MGAM: variants seen among roughly 807,000 people sequenced by gnomAD.
MGAM encodes maltase-glucoamylase, also known as alpha-1,4-glucosidase.
Under a neutral mutation model 358.8 loss-of-function variants are expected in MGAM, and 253 were observed. That is an observed-to-expected ratio of 0.71 (90% confidence interval 0.64 to 0.78). The LOEUF is 0.78. MGAM is among the 30% of genes least tolerant of loss of function. The probability of loss-of-function intolerance (pLI) is 0.00; values close to 1 mark genes in which losing one functional copy is unlikely to be tolerated. For synonymous variants in MGAM, 1,105 were observed against 1,227.1 expected, an observed-to-expected ratio of 0.90 and a Z score of 2.08; for missense variants, 3,080 against 3,432.6, an observed-to-expected ratio of 0.90 and a Z score of 2.57.
At chr7:142,042,137 TATATAAC>T (rs1808861540) in intron 21 of MGAM, among the ~76,000 whole-genome samples, 1 of 60,642 alleles carries the variant, frequency 1.6e-5, no homozygotes, top group African/African-American at 7.2e-5. Flanking sequence ...ATACATATAA[TATATAAC>T]ATATAATATA....
Position 142,099,635 on chromosome 7 carries a change from G to A in MGAM, c.7772G>A (p.Gly2591Glu), listed in dbSNP as rs1816272764. 2.5e-6 allele frequency: 4 copies of A among 1,613,940 alleles called. No homozygotes were observed. Among genetic ancestry groups the A allele is most frequent in the Non-Finnish European group, 3.4e-6 (4 of 1,179,860 alleles). ...YYTGVDINAR[G>E]EWKTLPAPLD... ...CAGGGTGTGGATATTAATGCAAGAGGAGAGTGGAAGACCTTGCCAGCCCCT... is the reference window on the plus strand; with the variant it reads ...CAGGGTGTGGATATTAATGCAAGAGAAGAGTGGAAGACCTTGCCAGCCCCT... Residue 2591 changes from glycine (G) to glutamate (E), a missense_variant, in exon 67 of 71, where the codon GGA becomes GAA. This residue lies in a region of MGAM where 932 missense variants were observed against 1,198.2 expected (regional missense o/e 0.78). Coordinates refer to ENST00000475668, the MANE Select transcript of MGAM (RefSeq NM_001365693.1).
In MGAM at chr7:142,099,731, A is replaced by T; in HGVS notation, c.7868A>T (p.His2623Leu). ...LPWQEPALNT[H>L]LSRQKFMGFK... The stretch of plus-strand genomic sequence containing the variant: ...TGGCAAGAGCCTGCACTGAACACCC[A>T]CTTAAGGTAAGTGACAGGACTCAGG... Residue 2623 changes from histidine to leucine, a missense_variant, in exon 67 of 71, where the codon CAC becomes CTC. Coordinates refer to ENST00000475668, the MANE Select transcript of MGAM (RefSeq NM_001365693.1). 3 of 1,613,958 alleles carry T rather than the reference A, an allele frequency of 1.9e-6. No homozygotes were observed. The highest frequency in any genetic ancestry group is 3.3e-5 in the Admixed American group (2 of 60,014).
intron 40 of MGAM, among the ~76,000 whole-genome samples, chr7:142,066,103 A>C (rs79160904): frequency 0.024 from 3,422 of 144,738 alleles, 216 homozygotes; most frequent in African/African-American, 0.079. Flanking sequence ...AGCTGGGATA[A>C]AGGCACATCC....
chr7:142,005,766 C>T (rs148961841), intron 2 of MGAM, 109 bp downstream of exon 2: 271 of 1,138,050 alleles, frequency 2.4e-4, no homozygotes, highest in African/African-American at 2.3e-3. Context: ...GTGTTTGTTG[C>T]GGGGGCTGTT....
chr7:142,097,507 A>G (rs1816033572), intron 65 of MGAM, 86 bp from the exon 66 acceptor site: 2 of 1,358,450 alleles, frequency 1.5e-6, no homozygotes, highest in South Asian at 1.2e-5. Flanking sequence ...GGCCATCACA[A>G]TTATTTAACC....
intron 5 of MGAM, 42 bp from the exon 6 acceptor site, chr7:142,021,544 A>G: frequency 1.3e-6 from 2 of 1,597,742 alleles, no homozygotes; most frequent in South Asian, 2.2e-5. Context: ...AGCTCTGACA[A>G]GTTTTTATTT....
rs782041510 is a variant in MGAM at position 142,027,178 on chromosome 7, A to G, written c.1046A>G (p.Tyr349Cys). 1.1e-5 allele frequency: 17 copies of G among 1,613,648 alleles called. No homozygotes were observed. The highest frequency in any genetic ancestry group is 1.4e-5 in the Non-Finnish European group (16 of 1,179,704). ...ACCATTGGGGGCATTCTCGACTTCTATGTGTTCTTGGGAAACACTCCAGAG... is the reference window on the plus strand; with the variant it reads ...ACCATTGGGGGCATTCTCGACTTCTGTGTGTTCTTGGGAAACACTCCAGAG... ...YRTIGGILDF[Y>C]VFLGNTPEQV... is the part of the protein sequence containing the mutation. Residue 349 changes from tyrosine to cysteine, a missense_variant, in exon 9 of 71, where the codon TAT becomes TGT. Physicochemically the swap from Tyr to Cys is radical, Grantham distance 194. Transcript: ENST00000475668.
chr7:142,042,115 T>C (rs963843097), intron 21 of MGAM, among the ~76,000 whole-genome samples: 995 of 72,356 alleles, frequency 0.014, 43 homozygotes, highest in East Asian at 0.027. Flanking sequence ...TAATATATAA[T>C]ATATAATATA....
intron 21 of MGAM, among the ~76,000 whole-genome samples, chr7:142,047,022 T>G (rs1426664266): frequency 5.9e-5 from 9 of 152,242 alleles, no homozygotes; most frequent in Admixed American, 2.6e-4. Context: ...AAAAACTAAC[T>G]TTCTTGCATA....
At chr7:142,065,498 C>A in intron 38 of MGAM, 30 bp downstream of exon 38, 1 of 1,613,704 alleles carries the variant, frequency 6.2e-7, no homozygotes, top group Non-Finnish European at 8.5e-7. Context: ...GGGCCTTTGC[C>A]GACAGGGCAG....
chr7:141,992,222 A>C (rs1459331089), upstream of MGAM, among the ~76,000 whole-genome samples: 1 of 152,306 alleles, frequency 6.6e-6, no homozygotes, highest in South Asian at 2.1e-4. Flanking sequence ...CTAGTTTATA[A>C]ATTTATTGAT....
At chr7:142,036,018 G>A in intron 16 of MGAM, 151 bp from the exon 17 acceptor site, 3 of 600,900 alleles carry the variant, frequency 5.0e-6, no homozygotes, top group Non-Finnish European at 9.0e-6. Context: ...GCATTCAAGA[G>A]TGGACACAGG....
Position 142,086,715 on chromosome 7 carries a change from G to A in MGAM, c.6808G>A (p.Glu2270Lys). The change falls in exon 57 of 71, where the codon GAG becomes AAG. Residue 2270 changes from glutamate (E) to lysine (K), a missense_variant and splice_region_variant. Glu to Lys is a moderately conservative substitution (Grantham distance 56). Transcript: ENST00000475668. ...GTCTCTAGACTGGGACAGTCAAGTG[G>A]AGGTAAAGGGTCTTTGTAAATTTGG... Reference protein sequence around the residue: ...NGSLDWDSQVELYRAYVAFPD... With the variant: ...NGSLDWDSQVKLYRAYVAFPD... 3 of 1,107,284 alleles carry A rather than the reference G, an allele frequency of 2.7e-6. 1 individual carries two copies. The East Asian group carries it at 8.5e-5, about 31-fold the overall frequency. 68.6% of individuals were successfully genotyped at this position (1,107,284 alleles called of 1,614,324 possible). A position where few individuals can be genotyped will look rare whatever the true frequency, so the allele number is the denominator to read the frequency against.
chr7:142,106,176 G>C lies in MGAM; in HGVS notation c.*285G>C, dbSNP rs1040004869. The C allele has an allele frequency of 4.2e-6, 1 of 239,434 alleles. No homozygotes were observed. The highest frequency in any genetic ancestry group is 2.3e-5 in the African/African-American group (1 of 44,328). The allele number at this position is 239,434 out of a possible 1,614,324, so 14.8% of individuals were successfully genotyped here. A position where few individuals can be genotyped will look rare whatever the true frequency, so the allele number is the denominator to read the frequency against. Reference sequence around the variant, plus strand: ...TATGACATTTACTGAAGATGAACTGGGTCCATGATGAAGTGTGTGTATGTC... The same window carrying C: ...TATGACATTTACTGAAGATGAACTGCGTCCATGATGAAGTGTGTGTATGTC... On this transcript the variant is annotated 3_prime_UTR_variant, in exon 71 of 71. Transcript: ENST00000475668.
chr7:142,060,022 G>T, intron 33 of MGAM, 56 bp downstream of exon 33: 1 of 1,511,648 alleles, frequency 6.6e-7, no homozygotes, highest in Non-Finnish European at 9.0e-7. Context: ...GTCACTGTTG[G>T]TGGGTCACTG....
At chr7:142,087,181 C>G (rs183529190) in intron 57 of MGAM, among the ~76,000 whole-genome samples, 2 of 144,358 alleles carry the variant, frequency 1.4e-5, no homozygotes, top group African/African-American at 4.9e-5. Context: ...TCCATGAACA[C>G]GTTTCTCCCT....
chr7:142,103,283 C>T lies in MGAM; in HGVS notation c.8028C>T (p.Ser2676=). Residue 2676 remains serine, a synonymous_variant, in exon 70 of 71, where the codon AGC becomes AGT. Coordinates refer to ENST00000475668, the MANE Select transcript of MGAM (RefSeq NM_001365693.1). Reference sequence around the variant, plus strand: ...CAATTCAACAGAATACGATGCAAAGCCATATAATTTTCAACAATTACATCA... The same window carrying T: ...CAATTCAACAGAATACGATGCAAAGTCATATAATTTTCAACAATTACATCA... ...SFSASQNTMQ[S]HIIFNNYITG... is the part of the protein sequence containing the mutation. 6.2e-7 allele frequency: 1 copy of T among 1,605,982 alleles called. No homozygotes were observed. The highest frequency in any genetic ancestry group is 8.5e-7 in the Non-Finnish European group (1 of 1,176,838).
At chr7:142,083,208 G>T in intron 52 of MGAM, 93 bp from the exon 53 acceptor site, 1 of 982,800 alleles carries the variant, frequency 1.0e-6, no homozygotes. Flanking sequence ...TCTACGATAG[G>T]GAGGGTGCAG....
rs1812603679 is a variant in MGAM, at chr7:142,065,221, C to G, written c.4485-114C>G. ...CTATTACAGCTCAGAGTCCCATGTT[C>G]CCTCCAGTCACGCAGCAAACATTGA... is the stretch of plus-strand genomic sequence containing the variant. On this transcript the variant is annotated intron_variant, in intron 37 of 70. Coordinates refer to ENST00000475668, the MANE Select transcript of MGAM (RefSeq NM_001365693.1). The G allele has an allele frequency of 9.3e-6, 13 of 1,401,990 alleles. No individual in the cohort carries two copies. In the South Asian group the frequency reaches 1.4e-4, roughly 15 times the overall value. 86.8% of individuals were successfully genotyped at this position (1,401,990 alleles called of 1,614,324 possible).
Sources: gnomAD v4.1 joint callset for allele counts (sites outside exome capture counted in the v4.1 genomes callset) on GRCh38, gnomAD v4.1.1 for gene constraint, gnomAD v4.1.1 regional missense constraint, MANE v1.5 for transcripts, NCBI Gene and HGNC (gene_info 2026-07-23, HGNC 2026-07-21) for gene names.